PROM1: variants seen among roughly 807,000 people sequenced by gnomAD.
PROM1 encodes prominin 1.
Under a neutral mutation model 116.9 loss-of-function variants are expected in PROM1, and 105 were observed. The observed-to-expected ratio is 0.90, with a 90% CI of 0.77 to 1.06. The LOEUF is 1.06. Ranked by LOEUF, PROM1 falls within the 50% of genes least tolerant of loss-of-function variation. The pLI is 0.00. For missense variants in PROM1, 1,122 were observed against 1,045.2 expected (o/e 1.07, Z -1.01); for synonymous variants, 393 against 387.0 (o/e 1.02, Z -0.18).
At chr4:16,036,530 C>A (rs1250083836) in intron 3 of PROM1, among the ~76,000 whole-genome samples, 1 of 152,156 alleles carries the variant, frequency 6.6e-6, no homozygotes, top group Non-Finnish European at 1.5e-5. Flanking sequence ...AAGGGGCACG[C>A]AGGCTTGTTA....
At chr4:16,007,897 C>T (rs995799124) in intron 12 of PROM1, among the ~76,000 whole-genome samples, 2 of 152,128 alleles carry the variant, frequency 1.3e-5, no homozygotes, top group African/African-American at 4.8e-5. Flanking sequence ...GGGGCGATGA[C>T]AAAAAGCAGA....
intron 17 of PROM1, among the ~76,000 whole-genome samples, chr4:15,991,962 G>GA (rs1721146759): frequency 8.5e-6 from 1 of 117,672 alleles, no homozygotes; most frequent in African/African-American, 3.3e-5. Flanking sequence ...AAAAAAAAAA[G>GA]ACCACAGATG....
intron 2 of PROM1, among the ~76,000 whole-genome samples, chr4:16,071,990 G>A (rs542730510): frequency 6.6e-6 from 1 of 152,112 alleles, no homozygotes; most frequent in South Asian, 2.1e-4. Flanking sequence ...TCTTCTTAAT[G>A]AGCCTAAGCC....
chr4:16,062,418 T>C (rs1040335717), intron 2 of PROM1, among the ~76,000 whole-genome samples: 1 of 152,182 alleles, frequency 6.6e-6, no homozygotes, highest in Non-Finnish European at 1.5e-5. Flanking sequence ...GCACAATTGT[T>C]AATGAATAAT....
intron 8 of PROM1, 111 bp downstream of exon 8, chr4:16,023,215 G>T: frequency 1.1e-6 from 1 of 905,574 alleles, no homozygotes; most frequent in Non-Finnish European, 1.8e-6. Flanking sequence ...GGCCACGGAC[G>T]GTGGCTCTCC....
intron 8 of PROM1, among the ~76,000 whole-genome samples, chr4:16,023,041 A>C (rs1468732584): frequency 6.6e-6 from 1 of 152,182 alleles, no homozygotes; most frequent in Non-Finnish European, 1.5e-5. Context: ...ATCTAAACAA[A>C]TGCGTATGGC....
intron 2 of PROM1, among the ~76,000 whole-genome samples, chr4:16,068,190 CCT>C (rs1741988590): frequency 6.6e-6 from 1 of 152,058 alleles, no homozygotes; most frequent in Non-Finnish European, 1.5e-5. Context: ...TGAGAAACTC[CCT>C]GTTTTTGGTT....
At chr4:16,079,826 A>T (rs1276575961) in intron 1 of PROM1, 4 of 152,004 alleles carry the variant, frequency 2.6e-5, no homozygotes, top group African/African-American at 7.3e-5. Context: ...TCCCAAACAC[A>T]TTGGAAAATA....
chr4:16,006,262 C>T (rs1265976923), intron 13 of PROM1, among the ~76,000 whole-genome samples: 1 of 152,210 alleles, frequency 6.6e-6, no homozygotes, highest in Non-Finnish European at 1.5e-5. Flanking sequence ...AAGGAGCCTG[C>T]CATATATAAA....
chr4:16,037,246 C>T (rs550300139), intron 3 of PROM1, among the ~76,000 whole-genome samples: 1 of 152,292 alleles, frequency 6.6e-6, no homozygotes, highest in African/African-American at 2.4e-5. Flanking sequence ...ATAAAAGCAA[C>T]TGTCATTTTC....
chr4:16,081,297 G>A (rs1192888546), intron 1 of PROM1, among the ~76,000 whole-genome samples: 1 of 151,892 alleles, frequency 6.6e-6, no homozygotes, highest in Non-Finnish European at 1.5e-5. Context: ...CCCAACAAAC[G>A]GTGCTGGGAA....
chr4:16,033,318 A>G lies in PROM1; in HGVS notation c.495T>C (p.Ile165=), dbSNP rs545551183. ...RKCFAISLLV[I]CIIISIGIFY... is the part of the protein sequence containing the mutation. ...ATTGTACTTGCCTTATTATTATACA[A>G]ATCACCAACAGGGAGATTGCAAAGC... Residue 165 remains isoleucine, a synonymous_variant, in exon 5 of 28, where the codon ATT becomes ATC. Coordinates refer to ENST00000447510, the MANE Select transcript of PROM1 (RefSeq NM_006017.3). 7 of 1,612,776 alleles carry G rather than the reference A, an allele frequency of 4.3e-6. No individual in the cohort carries two copies. The highest frequency in any genetic ancestry group is 1.1e-5 in the South Asian group (1 of 90,932).
intron 13 of PROM1, 78 bp from the exon 14 acceptor site, chr4:16,000,697 T>A (rs963427323): frequency 8.0e-7 from 1 of 1,252,338 alleles, no homozygotes; most frequent in Non-Finnish European, 1.1e-6. Flanking sequence ...AATCTACCTA[T>A]ACTCTATAAA....
At chr4:16,049,904 G>T (rs1245225209) in intron 2 of PROM1, among the ~76,000 whole-genome samples, 1 of 152,030 alleles carries the variant, frequency 6.6e-6, no homozygotes, top group Non-Finnish European at 1.5e-5. Flanking sequence ...TTGAGGCATT[G>T]TCCCCACACA....
chr4:15,992,447 C>T, intron 16 of PROM1, 56 bp from the exon 17 acceptor site: 2 of 1,576,370 alleles, frequency 1.3e-6, no homozygotes, highest in Non-Finnish European at 1.7e-6. Context: ...TGTCACAAAC[C>T]AAATGCTTTA....
chr4:15,973,580 A>C lies in PROM1; in HGVS notation c.2583-2498T>G, dbSNP rs190435628. Among the ~76,000 whole-genome samples the C allele has an allele frequency of 4.6e-5, 7 of 152,330 alleles. No individual in the cohort carries two copies. In the East Asian group the frequency reaches 1.4e-3, roughly 29 times the overall value. On this transcript the variant is annotated intron_variant, in intron 26 of 27. Coordinates refer to ENST00000447510, the MANE Select transcript of PROM1 (RefSeq NM_006017.3). ...TGTTTTTTTCTCCACATTGTTTGCT[A>C]ACATTAAAAAGGGTAATTTCATATG...
chr4:16,012,526 A>G (rs1356516213), intron 11 of PROM1, among the ~76,000 whole-genome samples: 1 of 152,202 alleles, frequency 6.6e-6, no homozygotes, highest in Non-Finnish European at 1.5e-5. Flanking sequence ...TGGACAGACT[A>G]AAATCTTCCT....
chr4:16,046,446 A>G (rs1212130113), intron 2 of PROM1, among the ~76,000 whole-genome samples: 1 of 152,182 alleles, frequency 6.6e-6, no homozygotes, highest in Non-Finnish European at 1.5e-5. Context: ...AAAATACCTC[A>G]TGACTTTAAA....
chr4:15,989,955 C>T, intron 18 of PROM1, 131 bp from the exon 19 acceptor site: 1 of 703,494 alleles, frequency 1.4e-6, no homozygotes, highest in Admixed American at 2.2e-5. Context: ...TGTGAGTGGG[C>T]ATGGGGGCTG....
Sources: allele counts gnomAD v4.1 joint callset (sites outside exome capture counted in the v4.1 genomes callset), GRCh38; gene constraint gnomAD v4.1.1; transcripts MANE v1.5; gene names NCBI Gene and HGNC (gene_info 2026-07-23, HGNC 2026-07-21).